The following CATSPERG variants were observed in gnomAD, a reference collection of about 807,000 sequenced individuals.
The protein encoded by CATSPERG is catsper channel auxiliary subunit gamma, also known as cation channel sperm-associated auxiliary subunit gamma.
In CATSPERG, 115 loss-of-function variants were observed where a neutral mutation model predicts 145.0. The observed-to-expected ratio is 0.79, with a 90% confidence interval of 0.68 to 0.93. The LOEUF (loss-of-function observed/expected upper bound fraction) is 0.93, where lower values mean the gene tolerates loss of function less well. CATSPERG is among the 40% of genes least tolerant of loss of function. CATSPERG has a pLI of 0.00. For synonymous variants in CATSPERG, 588 were observed against 589.0 expected, an observed-to-expected ratio of 1.00 and a Z score of 0.02; for missense variants, 1,296 against 1,490.1, an observed-to-expected ratio of 0.87 and a Z score of 2.14.
intron 9 of CATSPERG, 23 bp from the exon 10 acceptor site, chr19:38,356,461 A>C (rs1264768046): frequency 3.1e-6 from 5 of 1,613,218 alleles, no homozygotes; most frequent in Non-Finnish European, 4.2e-6. Context: ...GGGCCTGAAC[A>C]TGAACCCGAC....
intron 9 of CATSPERG, among the ~76,000 whole-genome samples, chr19:38,355,467 T>A (rs1555733242): frequency 6.6e-6 from 1 of 151,042 alleles, no homozygotes; most frequent in Non-Finnish European, 1.5e-5. Flanking sequence ...GAGGCTGAGG[T>A]GGGTGGATCA....
chr19:38,359,448 C>G, intron 13 of CATSPERG, 22 bp from the exon 14 acceptor site: 3 of 1,536,212 alleles, frequency 2.0e-6, no homozygotes, highest in Non-Finnish European at 2.7e-6. Flanking sequence ...ATGCGCCTAG[C>G]TCTCCATCTC....
chr19:38,359,042 G>T (rs1484192057), intron 13 of CATSPERG, among the ~76,000 whole-genome samples: 2 of 152,006 alleles, frequency 1.3e-5, no homozygotes, highest in Non-Finnish European at 2.9e-5. Flanking sequence ...TAGAGACGCG[G>T]TTTCACCATG....
intron 16 of CATSPERG, 113 bp downstream of exon 16, chr19:38,360,956 CTA>C: frequency 1.2e-6 from 1 of 867,770 alleles, no homozygotes; most frequent in South Asian, 1.6e-5. Flanking sequence ...AACCTCAGGG[CTA>C]TGATGGCAGG....
rs745819007 is a variant in CATSPERG at position 38,356,812 on chromosome 19, T to A, written c.1266T>A (p.Ser422Arg). ...GEYTLLLLVE[S>R]GYGNASKRFQ... ...ATACTCTACTGCTGCTGGTGGAGAG[T>A]GGATATGGTAATGCAAGTAAACGTT... The change falls in exon 11 of 29, where the codon AGT becomes AGA. Residue 422 changes from serine to arginine, a missense_variant. Transcript: ENST00000409235. 2 of 1,613,352 alleles carry A rather than the reference T, an allele frequency of 1.2e-6. No individual in the cohort carries two copies. Among genetic ancestry groups the A allele is most frequent in the South Asian group, 2.2e-5 (2 of 91,038 alleles).
Position 38,362,571 on chromosome 19 carries a change from C to G in CATSPERG, c.2353C>G (p.Leu785Val). 1 of 1,613,874 alleles carries G rather than the reference C, an allele frequency of 6.2e-7. No individual in the cohort carries two copies. The change falls in exon 19 of 29, where the codon CTC becomes GTC. Residue 785 changes from leucine to valine, a missense_variant. Physicochemically the swap from Leu to Val is conservative, Grantham distance 32. Transcript: ENST00000409235. Reference sequence around the variant, plus strand: ...CCACTCGTTCCGGACGCAGTCAGAACTCGGTCTGCGCGGGACCAGAGTGGA... The same window carrying G: ...CCACTCGTTCCGGACGCAGTCAGAAGTCGGTCTGCGCGGGACCAGAGTGGA... ...QGHSFRTQSE[L>V]GTAFQLHSQV...
intron 8 of CATSPERG, 161 bp downstream of exon 8, chr19:38,352,593 C>G: frequency 7.7e-6 from 4 of 521,206 alleles, no homozygotes; most frequent in Non-Finnish European, 1.3e-5. Flanking sequence ...CCTTGCCTTG[C>G]CCTTTTTTTT....
At chr19:38,348,561 C>T (rs1970082095) in intron 7 of CATSPERG, among the ~76,000 whole-genome samples, 1 of 150,670 alleles carries the variant, frequency 6.6e-6, no homozygotes, top group Middle Eastern at 3.2e-3. Flanking sequence ...GCAACCTCCA[C>T]CCCCCGGGTT....
Position 38,364,803 on chromosome 19 carries a change from C to T in CATSPERG, c.2476-88C>T. On this transcript the variant is annotated intron_variant, in intron 20 of 28. Coordinates refer to ENST00000409235, the MANE Select transcript of CATSPERG (RefSeq NM_021185.5). The stretch of plus-strand genomic sequence containing the variant: ...TTTTCCTACCAGCCACCACCTCGCC[C>T]CAGCTATGGGTTATTTGAACTGTTT... 13 of 1,054,376 alleles carry T rather than the reference C, an allele frequency of 1.2e-5. No homozygotes were observed. In the South Asian group the frequency reaches 1.6e-4, roughly 13 times the overall value. The allele number at this position is 1,054,376 out of a possible 1,614,324, so 65.3% of individuals were successfully genotyped here. A position where few individuals can be genotyped will look rare whatever the true frequency, so the allele number is the denominator to read the frequency against.
chr19:38,354,991 G>A, intron 9 of CATSPERG, 144 bp downstream of exon 9: 1 of 931,442 alleles, frequency 1.1e-6, no homozygotes, highest in South Asian at 1.6e-5. Flanking sequence ...GTGGAGGGAT[G>A]CGTTTGTAGG....
intron 22 of CATSPERG, chr19:38,366,492 T>C (rs1378847832): frequency 6.6e-6 from 1 of 152,392 alleles, no homozygotes; most frequent in African/African-American, 2.4e-5. Context: ...GGAGCCCTTA[T>C]GGGCCATGGT....
chr19:38,340,898 G>C (rs1280455047), intron 3 of CATSPERG, among the ~76,000 whole-genome samples: 1 of 145,338 alleles, frequency 6.9e-6, no homozygotes, highest in African/African-American at 2.5e-5. Context: ...AGAAAGGAGG[G>C]GGGGGCACTG....
rs3033507 is a variant in CATSPERG at position 38,357,515 on chromosome 19, C to CAAAAAAAAA, written c.1315+659_1315+667dup. Among the ~76,000 whole-genome samples the CAAAAAAAAA allele has an allele frequency of 1.9e-3, 253 of 134,048 alleles. 3 individuals carry two copies. Among genetic ancestry groups the CAAAAAAAAA allele is most frequent in the Middle Eastern group, 3.8e-3 (1 of 260 alleles). 87.9% of individuals were successfully genotyped at this position (134,048 alleles called of 152,430 possible). ...TGGGTGACAGAGCAAGACCCGGTCT[C>CAAAAAAAAA]AAAAAAAAAAAAAGAGCAGAGCCAG... On this transcript the variant is annotated intron_variant, in intron 11 of 28. Coordinates refer to ENST00000409235, the MANE Select transcript of CATSPERG (RefSeq NM_021185.5).
intron 6 of CATSPERG, among the ~76,000 whole-genome samples, chr19:38,345,806 C>T (rs1200920637): frequency 6.6e-6 from 1 of 152,156 alleles, no homozygotes; most frequent in African/African-American, 2.4e-5. Flanking sequence ...GCCACCACGC[C>T]TGGCCTCATA....
At chr19:38,369,902 A>G in intron 26 of CATSPERG, 70 bp from the exon 27 acceptor site, 1 of 1,422,884 alleles carries the variant, frequency 7.0e-7, no homozygotes, top group East Asian at 2.3e-5. Flanking sequence ...CATTGGGTGG[A>G]GGAAGAAATT....
At chr19:38,364,497 A>G (rs1432093758) in intron 20 of CATSPERG, among the ~76,000 whole-genome samples, 2 of 143,638 alleles carry the variant, frequency 1.4e-5, no homozygotes, top group Non-Finnish European at 1.5e-5. Context: ...AGGCAGAGAC[A>G]CTCCTCACTT....
chr19:38,359,040 C>T (rs909870099), intron 13 of CATSPERG, among the ~76,000 whole-genome samples: 5 of 151,890 alleles, frequency 3.3e-5, no homozygotes, highest in African/African-American at 7.3e-5. Flanking sequence ...AGTAGAGACG[C>T]GGTTTCACCA....
At chr19:38,336,962 AGCAGGGGCGGGACCAGGAGCAAGT>A (rs1969849262) in intron 1 of CATSPERG, 1 of 551,926 alleles carries the variant, frequency 1.8e-6, no homozygotes, top group East Asian at 3.2e-5. Flanking sequence ...CAGGAGCAAG[AGCAGGGGCGGGACCAGGAGCAAGT>A]GCAGAGGCGG....
intron 8 of CATSPERG, among the ~76,000 whole-genome samples, chr19:38,354,078 C>T (rs1970201844): frequency 6.7e-6 from 1 of 149,922 alleles, no homozygotes; most frequent in Admixed American, 6.6e-5. Context: ...GAACTGTCAG[C>T]TTACAGAGTC....
Sources: gnomAD v4.1 joint callset for allele counts (sites outside exome capture counted in the v4.1 genomes callset) on GRCh38, gnomAD v4.1.1 for gene constraint, MANE v1.5 for transcripts, NCBI Gene and HGNC (gene_info 2026-07-23, HGNC 2026-07-21) for gene names.